The following ITM2B variants were observed in gnomAD, a reference collection of about 807,000 sequenced individuals.
ITM2B encodes integral membrane protein 2B, also known as ABri/ADan amyloid peptide.
Under a neutral mutation model 27.8 loss-of-function variants are expected in ITM2B, and 11 were observed. That is an observed-to-expected ratio of 0.40 (90% CI 0.25 to 0.66). ITM2B has a LOEUF of 0.66. Among genes scored for constraint, ITM2B ranks in the 30% least tolerant of loss-of-function variants. The probability of loss-of-function intolerance (pLI) is 0.43; values close to 1 mark genes in which losing one functional copy is unlikely to be tolerated. For synonymous variants in ITM2B, 114 were observed against 114.3 expected, an observed-to-expected ratio of 1.00 and a Z score of 0.02; for missense variants, 296 against 328.9, an observed-to-expected ratio of 0.90 and a Z score of 0.77.
chr13:48,268,063 C>T lies in ITM2B; in HGVS notation c.*6839C>T, dbSNP rs962554364. ...TGCTCCTTTCCGGCAAATATTCCTT[C>T]CCTCTGCTAAAACTACTTTTTCATT... On this transcript the variant is annotated 3_prime_UTR_variant, in exon 6 of 6. Transcript: ENST00000647800. 1 of 152,170 alleles carries T rather than the reference C, an allele frequency of 6.6e-6. No homozygotes were observed. The highest frequency in any genetic ancestry group is 1.5e-5 in the Non-Finnish European group (1 of 68,028). The allele number at this position is 152,170 out of a possible 1,614,324, so 9.4% of individuals were successfully genotyped here.
At chr13:48,236,160 CTTAA>C (rs1305420549) in intron 1 of ITM2B, among the ~76,000 whole-genome samples, 1 of 152,148 alleles carries the variant, frequency 6.6e-6, no homozygotes, top group Admixed American at 6.5e-5. Flanking sequence ...GCATTTTCCC[CTTAA>C]TTGTTTTCAC....
chr13:48,233,874 A>G (rs908723343), intron 1 of ITM2B, among the ~76,000 whole-genome samples: 1 of 152,050 alleles, frequency 6.6e-6, no homozygotes, highest in Non-Finnish European at 1.5e-5. Flanking sequence ...ATGTACCTAA[A>G]ATGGCTGACA....
rs957719924 is a variant in ITM2B, at chr13:48,267,398, A to T, written c.*6174A>T. The stretch of plus-strand genomic sequence containing the variant: ...ATCTGATAACCCAAGTTCTGTCAGA[A>T]ACACTGCTGAGGCATCCAGGAAGAT... On this transcript the variant is annotated 3_prime_UTR_variant, in exon 6 of 6. Coordinates refer to ENST00000647800, the MANE Select transcript of ITM2B (RefSeq NM_021999.5). The T allele has an allele frequency of 2.0e-5, 3 of 152,234 alleles. No homozygotes were observed. Among genetic ancestry groups the T allele is most frequent in the Non-Finnish European group, 4.4e-5 (3 of 68,056 alleles). 9.4% of individuals were successfully genotyped at this position (152,234 alleles called of 1,614,324 possible). A position where few individuals can be genotyped will look rare whatever the true frequency, so the allele number is the denominator to read the frequency against.
intron 1 of ITM2B, among the ~76,000 whole-genome samples, chr13:48,252,433 T>C: frequency 6.6e-6 from 1 of 152,246 alleles, no homozygotes; most frequent in Non-Finnish European, 1.5e-5. Flanking sequence ...CATTAGATTC[T>C]CTTAGGAGCG....
At position 48,233,230 on chromosome 13, in the gene ITM2B, G is replaced by C. The variant is rs1242879766; in HGVS notation, c.-131G>C. 2 of 537,594 alleles carry C rather than the reference G, an allele frequency of 3.7e-6. No homozygotes were observed. The highest frequency in any genetic ancestry group is 6.4e-6 in the Non-Finnish European group (2 of 312,642). The allele number at this position is 537,594 out of a possible 1,614,324, so 33.3% of individuals were successfully genotyped here. ...CAGTAGCCGCCTCTGCCGCCGCGGA[G>C]CTTCCCGAACCTCTTCAGCCGCCCG... On this transcript the variant is annotated 5_prime_UTR_variant, in exon 1 of 6. Transcript: ENST00000647800.
At position 48,263,823 on chromosome 13, in the gene ITM2B, GACCTAAC is replaced by G. The variant is rs1951835525; in HGVS notation, c.*2604_*2610del. 6.6e-6 allele frequency: 1 copy of G among 152,042 alleles called. No homozygotes were observed. Among genetic ancestry groups the G allele is most frequent in the African/African-American group, 2.4e-5 (1 of 41,366 alleles). The allele number at this position is 152,042 out of a possible 1,614,324, so 9.4% of individuals were successfully genotyped here. ...CCATTCATGGGGGTTCCACTCTCATGACCTAACACCTCTCAAAGGCCCCATTTCCTAA... is the reference window on the plus strand; with the variant it reads ...CCATTCATGGGGGTTCCACTCTCATGACCTCTCAAAGGCCCCATTTCCTAA... On this transcript the variant is annotated 3_prime_UTR_variant, in exon 6 of 6. Coordinates refer to ENST00000647800, the MANE Select transcript of ITM2B (RefSeq NM_021999.5).
chr13:48,253,981 T>TG, intron 2 of ITM2B, 45 bp downstream of exon 2: 1 of 1,488,240 alleles, frequency 6.7e-7, no homozygotes. Context: ...TTTTTTTTTT[T>TG]GCCTCTCCCG....
intron 1 of ITM2B, among the ~76,000 whole-genome samples, chr13:48,248,692 T>C (rs1012983688): frequency 6.6e-6 from 1 of 152,088 alleles, no homozygotes; most frequent in African/African-American, 2.4e-5. Flanking sequence ...ACACTAACAA[T>C]AGTTGATGAG....
intron 1 of ITM2B, among the ~76,000 whole-genome samples, chr13:48,244,770 A>G (rs1449598032): frequency 2.0e-5 from 3 of 152,206 alleles, no homozygotes; most frequent in African/African-American, 7.2e-5. Flanking sequence ...ATATAAAATT[A>G]GAGCATTCGA....
At chr13:48,233,575 G>A (rs978793378) in intron 1 of ITM2B, 98 bp downstream of exon 1, 12 of 698,796 alleles carry the variant, frequency 1.7e-5, no homozygotes, top group Non-Finnish European at 2.6e-5. Context: ...GCGGGCGCGG[G>A]GCTCGCGCCG....
In ITM2B at chr13:48,270,139, T is replaced by G. The variant is rs148570924; in HGVS notation, c.*8915T>G. 875 of 152,312 alleles carry G rather than the reference T, an allele frequency of 5.7e-3. 7 individuals carry two copies. The highest frequency in any genetic ancestry group is 9.6e-3 in the Non-Finnish European group (650 of 68,008). 9.4% of individuals were successfully genotyped at this position (152,312 alleles called of 1,614,324 possible). A position where few individuals can be genotyped will look rare whatever the true frequency, so the allele number is the denominator to read the frequency against. On this transcript the variant is annotated 3_prime_UTR_variant, in exon 6 of 6. Transcript: ENST00000647800. ...GCCCAGTGAGCAATATGGTCATTGG[T>G]CAAGAAGGCTTATGCCCAGGTATCC...
At chr13:48,257,150 T>C (rs1042087484) in intron 3 of ITM2B, among the ~76,000 whole-genome samples, 1 of 152,204 alleles carries the variant, frequency 6.6e-6, no homozygotes, top group African/African-American at 2.4e-5. Context: ...AAAACAGTTA[T>C]AACAAAATAC....
In ITM2B at chr13:48,266,499, C is replaced by G. The variant is rs191506197; in HGVS notation, c.*5275C>G. 4 of 152,148 alleles carry G rather than the reference C, an allele frequency of 2.6e-5. No individual in the cohort carries two copies. The highest frequency in any genetic ancestry group is 9.6e-5 in the African/African-American group (4 of 41,500). 9.4% of individuals were successfully genotyped at this position (152,148 alleles called of 1,614,324 possible). A position where few individuals can be genotyped will look rare whatever the true frequency, so the allele number is the denominator to read the frequency against. The stretch of plus-strand genomic sequence containing the variant: ...TATTAGCAAAATGCTCATACTGTGT[C>G]CTCAGTATTTGGCACATAATAGGTT... On this transcript the variant is annotated 3_prime_UTR_variant, in exon 6 of 6. Transcript: ENST00000647800.
chr13:48,253,733 A>G (rs1380878120), intron 1 of ITM2B, 75 bp from the exon 2 acceptor site: 1 of 1,394,020 alleles, frequency 7.2e-7, no homozygotes, highest in Non-Finnish European at 1.0e-6. Context: ...GATAATCATT[A>G]AGGTTTTTCT....
Position 48,269,978 on chromosome 13 carries a change from C to T in ITM2B, c.*8754C>T, listed in dbSNP as rs905484641. On this transcript the variant is annotated 3_prime_UTR_variant, in exon 6 of 6. Coordinates refer to ENST00000647800, the MANE Select transcript of ITM2B (RefSeq NM_021999.5). ...TAATTGGAGACAAGCTTTCCCTTGGCTTCCCTTCTTTTCTCACAGAGGCTT... is the reference window on the plus strand; with the variant it reads ...TAATTGGAGACAAGCTTTCCCTTGGTTTCCCTTCTTTTCTCACAGAGGCTT... 2 of 152,222 alleles carry T rather than the reference C, an allele frequency of 1.3e-5. No homozygotes were observed. Among genetic ancestry groups the T allele is most frequent in the African/African-American group, 4.8e-5 (2 of 41,462 alleles). The allele number at this position is 152,222 out of a possible 1,614,324, so 9.4% of individuals were successfully genotyped here.
At chr13:48,235,928 A>G (rs1204510535) in intron 1 of ITM2B, among the ~76,000 whole-genome samples, 15 of 152,232 alleles carry the variant, frequency 9.9e-5, no homozygotes, top group Non-Finnish European at 2.9e-5. Context: ...ACCTTATGCC[A>G]CAAGAATTCT....
At chr13:48,250,386 G>A (rs528901676) in intron 1 of ITM2B, among the ~76,000 whole-genome samples, 16 of 152,272 alleles carry the variant, frequency 1.1e-4, no homozygotes, top group African/African-American at 2.6e-4. Context: ...TTGGGAGGCC[G>A]AGGCGGGTGA....
chr13:48,246,327 CATTT>C (rs897254147), intron 1 of ITM2B, among the ~76,000 whole-genome samples: 3 of 152,198 alleles, frequency 2.0e-5, no homozygotes, highest in African/African-American at 7.2e-5. Flanking sequence ...ATGTGTCAAA[CATTT>C]ATCACGTGGA....
chr13:48,247,579 T>C (rs971706935), intron 1 of ITM2B, among the ~76,000 whole-genome samples: 1 of 152,160 alleles, frequency 6.6e-6, no homozygotes, highest in Non-Finnish European at 1.5e-5. Flanking sequence ...ATTGAAATTA[T>C]ACGAAAAAAT....
Sources: allele counts gnomAD v4.1 joint callset (sites outside exome capture counted in the v4.1 genomes callset), GRCh38; gene constraint gnomAD v4.1.1; transcripts MANE v1.5; gene names NCBI Gene and HGNC (gene_info 2026-07-23, HGNC 2026-07-21).